The following ZCWPW1 variants were observed in gnomAD, a reference collection of about 807,000 sequenced individuals.
ZCWPW1 encodes the protein zinc finger CW-type and PWWP domain containing 1.
In ZCWPW1, 56 loss-of-function variants were observed where a neutral mutation model predicts 81.3. The ratio of observed to expected loss-of-function variants is 0.69; its 90% CI spans 0.56 to 0.86. ZCWPW1 has a LOEUF of 0.86. Ranked by LOEUF, ZCWPW1 falls within the 40% of genes least tolerant of loss-of-function variation. The pLI is 0.00. For synonymous variants in ZCWPW1, 250 were observed against 273.7 expected (o/e 0.91, Z 0.86); for missense variants, 650 against 769.8 (o/e 0.84, Z 1.84).
intron 6 of ZCWPW1, 78 bp downstream of exon 6, chr7:100,416,988 C>A: frequency 7.1e-6 from 7 of 986,472 alleles, no homozygotes; most frequent in South Asian, 1.4e-5. Flanking sequence ...ACCAGATAGA[C>A]AGACAGATAG....
At position 100,420,553 on chromosome 7, in the gene ZCWPW1, G is replaced by A; in HGVS notation, c.28+69C>T. Reference sequence around the variant, plus strand: ...ATAGGGACCCGTACCATCCTTTGGTGGAAAGGATGTCCAAAAGGAGAAAAA... The same window carrying A: ...ATAGGGACCCGTACCATCCTTTGGTAGAAAGGATGTCCAAAAGGAGAAAAA... On this transcript the variant is annotated intron_variant, in intron 3 of 17. Coordinates refer to ENST00000684423, the MANE Select transcript of ZCWPW1 (RefSeq NM_001386010.1). 4 of 1,570,980 alleles carry A rather than the reference G, an allele frequency of 2.5e-6. No individual in the cohort carries two copies. In the South Asian group the frequency reaches 4.4e-5, roughly 17 times the overall value.
At position 100,400,987 on chromosome 7, in the gene ZCWPW1, G is replaced by A; in HGVS notation, c.*27C>T. On this transcript the variant is annotated 3_prime_UTR_variant, in exon 18 of 18. Coordinates refer to ENST00000684423, the MANE Select transcript of ZCWPW1 (RefSeq NM_001386010.1). The stretch of plus-strand genomic sequence containing the variant: ...TCCCTCCTGCGCCCCAGAGAAGGGA[G>A]AAAAAGAGGGAGCAGAGGAGCACCA... The A allele has an allele frequency of 6.4e-7, 1 of 1,571,682 alleles. No homozygotes were observed. Among genetic ancestry groups the A allele is most frequent in the Non-Finnish European group, 8.6e-7 (1 of 1,158,452 alleles).
intron 12 of ZCWPW1, among the ~76,000 whole-genome samples, chr7:100,405,349 C>T (rs912224129): frequency 1.3e-5 from 2 of 151,934 alleles, no homozygotes; most frequent in African/African-American, 4.8e-5. Flanking sequence ...ACTGCTTGAA[C>T]CCAGGAGGCA....
At chr7:100,404,793 T>G (rs1342738750) in intron 13 of ZCWPW1, among the ~76,000 whole-genome samples, 1 of 152,180 alleles carries the variant, frequency 6.6e-6, no homozygotes, top group East Asian at 1.9e-4. Flanking sequence ...AGGGGAAATT[T>G]TCACTGTTTT....
At chr7:100,417,016 G>T in intron 6 of ZCWPW1, 50 bp downstream of exon 6, 4 of 1,231,206 alleles carry the variant, frequency 3.2e-6, no homozygotes, top group Non-Finnish European at 4.8e-6. Context: ...GACTGACCAT[G>T]AATGTGTAGT....
At chr7:100,417,211 G>C in intron 5 of ZCWPW1, 28 bp from the exon 6 acceptor site, 7 of 1,563,304 alleles carry the variant, frequency 4.5e-6, no homozygotes, top group Non-Finnish European at 5.2e-6. Context: ...TATAAGCAGA[G>C]AAGCAAAAAA....
intron 7 of ZCWPW1, 102 bp downstream of exon 7, chr7:100,416,203 A>G: frequency 6.3e-7 from 1 of 1,588,944 alleles, no homozygotes; most frequent in South Asian, 1.1e-5. Flanking sequence ...TAATAGTCTC[A>G]AGTCTTGGGC....
Position 100,403,772 on chromosome 7 carries a change from A to C in ZCWPW1, c.1335T>G (p.Ser445=). Residue 445 remains serine, a synonymous_variant, in exon 15 of 18, where the codon TCT becomes TCG. Coordinates refer to ENST00000684423, the MANE Select transcript of ZCWPW1 (RefSeq NM_001386010.1). ...AGCAGGATCCTGGGCTGTTCAAACC[A>C]GAGAGCTGTAAGTCTAGAACAGGAA... ...SNGERKDLQL[S]GLNSPGSCLE... The C allele has an allele frequency of 1.2e-6, 2 of 1,614,068 alleles. No homozygotes were observed. Among genetic ancestry groups the C allele is most frequent in the South Asian group, 1.1e-5 (1 of 91,070 alleles).
At chr7:100,420,720 CAA>C (rs1796202961) in intron 2 of ZCWPW1, 42 bp from the exon 3 acceptor site, 1 of 1,587,192 alleles carries the variant, frequency 6.3e-7, no homozygotes, top group South Asian at 1.1e-5. Flanking sequence ...TCTGATTAAA[CAA>C]GATTTTAAAC....
rs372176781 is a variant in ZCWPW1 at position 100,414,880 on chromosome 7, C to G, written c.754+1095G>C. ...TCTCTACTAAAATTACAAAAATTAG[C>G]TGGGCGTGGTGGCGCATGCCTGTAG... On this transcript the variant is annotated intron_variant, in intron 8 of 17. Transcript: ENST00000684423. 9.3e-4 allele frequency among the ~76,000 whole-genome samples: 141 copies of G among 151,804 alleles called. 1 individual carries two copies. In the East Asian group the frequency reaches 0.027, roughly 29 times the overall value.
intron 16 of ZCWPW1, 94 bp from the exon 17 acceptor site, chr7:100,402,135 T>A: frequency 6.8e-7 from 1 of 1,473,050 alleles, no homozygotes; most frequent in Admixed American, 2.2e-5. Context: ...CTGCCCCACA[T>A]CTTCTGCTCA....
At position 100,401,032 on chromosome 7, in the gene ZCWPW1, C is replaced by G. The variant is rs1563126216; in HGVS notation, c.1932G>C (p.Val644=). ...HSNSDGEDFP[V]ALFGK is the part of the protein sequence containing the mutation. ...GCACCAGCTACTTCCCAAACAGCGCCACGGGGAAGTCCTCGCCATCACTGT... is the reference window on the plus strand; with the variant it reads ...GCACCAGCTACTTCCCAAACAGCGCGACGGGGAAGTCCTCGCCATCACTGT... The change falls in exon 18 of 18, where the codon GTG becomes GTC. Residue 644 remains valine, a synonymous_variant. Transcript: ENST00000684423. The G allele has an allele frequency of 6.2e-7, 1 of 1,610,206 alleles. No individual in the cohort carries two copies. Among genetic ancestry groups the G allele is most frequent in the East Asian group, 2.2e-5 (1 of 44,790 alleles).
chr7:100,420,810 G>A (rs1796218569), intron 2 of ZCWPW1, 132 bp from the exon 3 acceptor site: 3 of 754,586 alleles, frequency 4.0e-6, no homozygotes, highest in Middle Eastern at 2.4e-4. Context: ...CTCCTCTGTG[G>A]TGCCAATTAC....
rs1247925933 is a variant in ZCWPW1 at position 100,428,003 on chromosome 7, A to AT, written c.-137+564dup. On this transcript the variant is annotated intron_variant, in intron 1 of 17. Coordinates refer to ENST00000684423, the MANE Select transcript of ZCWPW1 (RefSeq NM_001386010.1). ...TTGGTGCCCGCCAGGAGACTGGGCT[A>AT]TTTTTTTTTTGTCTGTTTCTTGGGG... Among the ~76,000 whole-genome samples, 400 of 143,102 alleles carry AT rather than the reference A, an allele frequency of 2.8e-3. 3 individuals are homozygous for AT. The highest frequency in any genetic ancestry group is 8.9e-3 in the African/African-American group (347 of 38,920). The allele number at this position is 143,102 out of a possible 152,430, so 93.9% of individuals were successfully genotyped here.
chr7:100,411,892 G>A (rs1794243789), intron 8 of ZCWPW1, among the ~76,000 whole-genome samples: 2 of 152,168 alleles, frequency 1.3e-5, no homozygotes, highest in Non-Finnish European at 2.9e-5. Flanking sequence ...ACCTAAAGGA[G>A]AAGATAATGT....
At chr7:100,409,985 T>G (rs754353658) in intron 8 of ZCWPW1, among the ~76,000 whole-genome samples, 2 of 152,156 alleles carry the variant, frequency 1.3e-5, no homozygotes, top group Admixed American at 6.6e-5. Flanking sequence ...AGAGTTCTTA[T>G]CCAAATCTCA....
chr7:100,411,912 A>G (rs1794248049), intron 8 of ZCWPW1, among the ~76,000 whole-genome samples: 1 of 152,146 alleles, frequency 6.6e-6, no homozygotes, highest in African/African-American at 2.4e-5. Flanking sequence ...TGCTCTGGAA[A>G]ACTGTGTTTG....
intron 12 of ZCWPW1, among the ~76,000 whole-genome samples, chr7:100,406,293 C>A (rs1428727128): frequency 6.6e-6 from 1 of 152,094 alleles, no homozygotes; most frequent in Non-Finnish European, 1.5e-5. Flanking sequence ...TGGTTAGATG[C>A]CGCTGGAGCC....
intron 2 of ZCWPW1, among the ~76,000 whole-genome samples, chr7:100,421,605 C>G (rs1033289411): frequency 2.6e-5 from 4 of 152,182 alleles, no homozygotes; most frequent in Admixed American, 1.3e-4. Context: ...TCTACCTTAG[C>G]ACCTAATAAT....
Sources: allele counts gnomAD v4.1 joint callset (sites outside exome capture counted in the v4.1 genomes callset), GRCh38; gene constraint gnomAD v4.1.1; transcripts MANE v1.5; gene names NCBI Gene and HGNC (gene_info 2026-07-23, HGNC 2026-07-21).